ANKS1B: variants seen among roughly 807,000 people sequenced by gnomAD.
The protein encoded by ANKS1B is ankyrin repeat and sterile alpha motif domain-containing protein 1B.
A neutral mutation model predicts 148.3 loss-of-function variants in ANKS1B; 36 were observed. That is an observed-to-expected ratio of 0.24 (90% confidence interval 0.19 to 0.32). ANKS1B has a LOEUF of 0.32. Ranked by LOEUF, ANKS1B falls within the 10% of genes least tolerant of loss-of-function variation. ANKS1B has a pLI of 1.00. For missense variants in ANKS1B, 1,157 were observed against 1,542.6 expected (o/e 0.75, Z 4.19); for synonymous variants, 542 against 560.8 (o/e 0.97, Z 0.47).
intron 15 of ANKS1B, among the ~76,000 whole-genome samples, chr12:99,126,811 A>G (rs968191174): frequency 1.3e-5 from 2 of 152,164 alleles, no homozygotes; most frequent in Non-Finnish European, 2.9e-5. Flanking sequence ...ACTCTACATG[A>G]TCTCTATATT....
At chr12:98,810,340 C>T (rs572145632) in intron 19 of ANKS1B, among the ~76,000 whole-genome samples, 8 of 152,340 alleles carry the variant, frequency 5.3e-5, no homozygotes, top group African/African-American at 1.9e-4. Context: ...ACATAGGCCA[C>T]ATGTTACATG....
intron 1 of ANKS1B, among the ~76,000 whole-genome samples, chr12:99,865,935 A>T (rs955485452): frequency 3.3e-5 from 5 of 152,072 alleles, no homozygotes; most frequent in Non-Finnish European, 7.4e-5. Flanking sequence ...CTACAAGTCA[A>T]CATGCCCTGT....
At position 99,506,671 on chromosome 12, in the gene ANKS1B, A is replaced by T. The variant is rs75603869; in HGVS notation, c.1273-2030T>A. 9.1e-3 allele frequency among the ~76,000 whole-genome samples: 1,380 copies of T among 152,150 alleles called. 20 individuals are homozygous for T. The highest frequency in any genetic ancestry group is 0.032 in the African/African-American group (1,324 of 41,544). ...GGAGAAAAGTTGATGTGGTAGATTTATTCTAAGGCCCATAAAGACAAGACA... is the reference window on the plus strand; with the variant it reads ...GGAGAAAAGTTGATGTGGTAGATTTTTTCTAAGGCCCATAAAGACAAGACA... On this transcript the variant is annotated intron_variant, in intron 9 of 26. Coordinates refer to ENST00000683438, the MANE Select transcript of ANKS1B (RefSeq NM_001352186.2).
At chr12:99,809,924 C>T (rs981723497) in intron 3 of ANKS1B, among the ~76,000 whole-genome samples, 7 of 152,118 alleles carry the variant, frequency 4.6e-5, no homozygotes, top group Admixed American at 1.3e-4. Flanking sequence ...TGTGATGTTA[C>T]GGTCAATCTA....
At chr12:99,279,522 T>C (rs1475801816) in intron 12 of ANKS1B, among the ~76,000 whole-genome samples, 2 of 152,120 alleles carry the variant, frequency 1.3e-5, no homozygotes, top group African/African-American at 4.8e-5. Context: ...CTCTATAGAT[T>C]TGCCTATTCT....
At chr12:99,516,294 T>C (rs1178232882) in intron 9 of ANKS1B, among the ~76,000 whole-genome samples, 1 of 152,140 alleles carries the variant, frequency 6.6e-6, no homozygotes, top group African/African-American at 2.4e-5. Flanking sequence ...ACATCTTGGA[T>C]TTAAGTCTTT....
chr12:99,088,623 G>A (rs1425814274), intron 15 of ANKS1B, among the ~76,000 whole-genome samples: 3 of 151,926 alleles, frequency 2.0e-5, no homozygotes, highest in Non-Finnish European at 4.4e-5. Flanking sequence ...AAATTATAAG[G>A]TAACTTATTT....
intron 12 of ANKS1B, among the ~76,000 whole-genome samples, chr12:99,289,808 T>C (rs1476429617): frequency 6.6e-6 from 1 of 151,816 alleles, no homozygotes; most frequent in East Asian, 1.9e-4. Context: ...AGTTCCTACA[T>C]CAAAAAAGTA....
intron 17 of ANKS1B, among the ~76,000 whole-genome samples, chr12:99,051,588 G>A (rs188174679): frequency 1.3e-5 from 2 of 152,208 alleles, no homozygotes; most frequent in Non-Finnish European, 2.9e-5. Context: ...AGCCTGCTGC[G>A]ACCAAAAAGC....
chr12:99,592,830 A>G (rs919715416), intron 9 of ANKS1B, among the ~76,000 whole-genome samples: 2 of 152,110 alleles, frequency 1.3e-5, no homozygotes, highest in Non-Finnish European at 2.9e-5. Flanking sequence ...GAGACAAAAA[A>G]CACATCAGTC....
At position 99,399,728 on chromosome 12, in the gene ANKS1B, A is replaced by G. The variant is rs776364391; in HGVS notation, c.1659T>C (p.Ser553=). ...TGGCAGTAAAGCTTGTGCACCCTGTAGATGTGTTGATTTCAAAATATTCTT... is the reference window on the plus strand; with the variant it reads ...TGGCAGTAAAGCTTGTGCACCCTGTGGATGTGTTGATTTCAAAATATTCTT... ...HNQEYFEINT[S]TGCTSFTASP... is the part of the protein sequence containing the mutation. The change falls in exon 12 of 27, where the codon TCT becomes TCC. Residue 553 remains serine (S), a synonymous_variant. Transcript: ENST00000683438. 1 of 1,613,556 alleles carries G rather than the reference A, an allele frequency of 6.2e-7. No individual in the cohort carries two copies. Among genetic ancestry groups the G allele is most frequent in the South Asian group, 1.1e-5 (1 of 91,082 alleles).
intron 9 of ANKS1B, among the ~76,000 whole-genome samples, chr12:99,532,421 C>G (rs2153094027): frequency 6.6e-6 from 1 of 152,248 alleles, no homozygotes; most frequent in South Asian, 2.1e-4. Context: ...AGTGCAGTGG[C>G]CCGATCTCGG....
intron 4 of ANKS1B, among the ~76,000 whole-genome samples, chr12:99,788,347 C>T (rs1339633753): frequency 6.6e-6 from 1 of 152,140 alleles, no homozygotes; most frequent in Admixed American, 6.5e-5. Flanking sequence ...AAATCCTGGA[C>T]ATTTCTAGAT....
chr12:99,849,277 A>G (rs913953508), intron 1 of ANKS1B, among the ~76,000 whole-genome samples: 1 of 152,152 alleles, frequency 6.6e-6, no homozygotes, highest in Admixed American at 6.5e-5. Context: ...GTATACATAT[A>G]TGTATATACA....
At chr12:99,472,895 C>T (rs767795532) in intron 10 of ANKS1B, among the ~76,000 whole-genome samples, 9 of 152,048 alleles carry the variant, frequency 5.9e-5, no homozygotes, top group Non-Finnish European at 1.2e-4. Flanking sequence ...TAAAGCTCAC[C>T]TCTGGCTGGA....
intron 10 of ANKS1B, among the ~76,000 whole-genome samples, chr12:99,461,204 C>T (rs2095960289): frequency 6.6e-6 from 1 of 152,044 alleles, no homozygotes; most frequent in Non-Finnish European, 1.5e-5. Flanking sequence ...TATGTTCTCA[C>T]TCATAAGTGG....
At chr12:98,985,143 C>T (rs1004150725) in intron 17 of ANKS1B, among the ~76,000 whole-genome samples, 2 of 152,138 alleles carry the variant, frequency 1.3e-5, no homozygotes, top group African/African-American at 4.8e-5. Context: ...GAGACAGTCT[C>T]ACTCTGTTGC....
chr12:98,756,859 C>T (rs559751067), intron 25 of ANKS1B, among the ~76,000 whole-genome samples: 1 of 151,310 alleles, frequency 6.6e-6, no homozygotes, highest in Non-Finnish European at 1.5e-5. Context: ...TCCCGAGTGG[C>T]TGGGATTACA....
intron 9 of ANKS1B, among the ~76,000 whole-genome samples, chr12:99,509,229 A>T (rs2096740237): frequency 6.6e-6 from 1 of 151,764 alleles, no homozygotes; most frequent in African/African-American, 2.4e-5. Context: ...CCAATTAGTA[A>T]CCCTTCAATG....
Sources: allele counts gnomAD v4.1 joint callset (sites outside exome capture counted in the v4.1 genomes callset), GRCh38; gene constraint gnomAD v4.1.1; transcripts MANE v1.5; gene names NCBI Gene and HGNC (gene_info 2026-07-23, HGNC 2026-07-21).